The following SHROOM3 variants were observed in gnomAD, a reference collection of about 807,000 sequenced individuals.
SHROOM3 encodes protein Shroom3.
In SHROOM3, 47 loss-of-function variants were observed where a neutral mutation model predicts 138.6. The ratio of observed to expected loss-of-function variants is 0.34; its 90% CI spans 0.27 to 0.43. The LOEUF (loss-of-function observed/expected upper bound fraction) is 0.43, where lower values mean the gene tolerates loss of function less well. SHROOM3 is among the 20% of genes least tolerant of loss of function. The probability of loss-of-function intolerance (pLI) is 1.00; values close to 1 mark genes in which losing one functional copy is unlikely to be tolerated. For missense variants in SHROOM3, 2,491 were observed against 2,596.5 expected, an observed-to-expected ratio of 0.96 and a Z score of 0.88; for synonymous variants, 1,062 against 1,063.3, an observed-to-expected ratio of 1.00 and a Z score of 0.02.
rs1199025790 is a variant in SHROOM3 at position 76,740,604 on chromosome 4, C to T, written c.2431C>T (p.Pro811Ser). The T allele has an allele frequency of 1.2e-6, 2 of 1,614,186 alleles. No individual in the cohort carries two copies. Among genetic ancestry groups the T allele is most frequent in the Non-Finnish European group, 1.7e-6 (2 of 1,180,034 alleles). ...GGSGFGHNYRPHRTVSTSSTS... is the reference protein window; with the variant it reads ...GGSGFGHNYRSHRTVSTSSTS... ...CTCTGGTTTTGGCCATAACTATAGGCCCCACAGGACCGTCTCAACTTCCAG... is the reference window on the plus strand; with the variant it reads ...CTCTGGTTTTGGCCATAACTATAGGTCCCACAGGACCGTCTCAACTTCCAG... The change falls in exon 5 of 11, where the codon CCC (proline) becomes TCC (serine). Residue 811 changes from proline (P) to serine (S), a missense_variant. Physicochemically the swap from Pro to Ser is moderately conservative, Grantham distance 74 (BLOSUM62 -1). Around this residue, in one of 4 missense-constraint regions of SHROOM3, gnomAD observed 1,733 missense variants for 1,661.6 expected, o/e 1.04. Coordinates refer to ENST00000296043, the MANE Select transcript of SHROOM3 (RefSeq NM_020859.4). The surrounding 1 kb of genome is among the most constrained non-coding windows in gnomAD (Gnocchi z 4.0).
chr4:76,506,427 C>T (rs989324539), intron 1 of SHROOM3, among the ~76,000 whole-genome samples: 9 of 152,100 alleles, frequency 5.9e-5, no homozygotes, highest in Non-Finnish European at 1.3e-4. Context: ...GTGTGTGTGT[C>T]ATATGCAAAT....
intron 2 of SHROOM3, among the ~76,000 whole-genome samples, chr4:76,668,228 G>T (rs1246830441): frequency 6.6e-6 from 1 of 151,970 alleles, no homozygotes; most frequent in East Asian, 1.9e-4. Flanking sequence ...ATATTAGTTT[G>T]AAGGTGGCGG....
intron 2 of SHROOM3, among the ~76,000 whole-genome samples, chr4:76,598,305 C>T (rs1046578409): frequency 6.6e-6 from 1 of 152,110 alleles, no homozygotes; most frequent in African/African-American, 2.4e-5. Context: ...GGATTACAGG[C>T]GTGAGCCACC....
chr4:76,707,864 G>C (rs1372952985), intron 2 of SHROOM3, among the ~76,000 whole-genome samples: 1 of 152,010 alleles, frequency 6.6e-6, no homozygotes, highest in Non-Finnish European at 1.5e-5. Context: ...AGGGAGGAAA[G>C]GTGTGCTTGG....
intron 1 of SHROOM3, among the ~76,000 whole-genome samples, chr4:76,553,218 A>C (rs1733401468): frequency 1.3e-5 from 2 of 152,118 alleles, no homozygotes; most frequent in African/African-American, 4.8e-5. Flanking sequence ...AGTGGAGAGC[A>C]GTGATGCAAT....
intron 9 of SHROOM3, among the ~76,000 whole-genome samples, chr4:76,764,229 A>G (rs2110150757): frequency 6.6e-6 from 1 of 152,346 alleles, no homozygotes; most frequent in East Asian, 1.9e-4. Flanking sequence ...AACTTTTGAT[A>G]TACGTAAAAC....
chr4:76,724,268 A>G (rs1720634933), intron 3 of SHROOM3, among the ~76,000 whole-genome samples: 1 of 152,256 alleles, frequency 6.6e-6, no homozygotes, highest in South Asian at 2.1e-4. Context: ...CTTCTGACTT[A>G]CTGATATGCT....
chr4:76,563,889 C>T (rs149483995), intron 2 of SHROOM3, among the ~76,000 whole-genome samples: 50 of 152,244 alleles, frequency 3.3e-4, no homozygotes, highest in African/African-American at 9.9e-4. Flanking sequence ...AAAAAAGGCC[C>T]GATGCTGTGC....
In SHROOM3 at chr4:76,740,738, G is replaced by A; in HGVS notation, c.2565G>A (p.Leu855=). 1 of 1,613,354 alleles carries A rather than the reference G, an allele frequency of 6.2e-7. No individual in the cohort carries two copies. Among genetic ancestry groups the A allele is most frequent in the Non-Finnish European group, 8.5e-7 (1 of 1,180,008 alleles). The change falls in exon 5 of 11, where the codon TTG becomes TTA. Residue 855 remains leucine, a synonymous_variant. Coordinates refer to ENST00000296043, the MANE Select transcript of SHROOM3 (RefSeq NM_020859.4). The surrounding 1 kb of genome is among the most constrained non-coding windows in gnomAD (Gnocchi z 4.0). The part of the protein sequence containing the change: ...EQHFKNGELK[L]EEASRQPCGQ... ...ACTTCAAAAACGGGGAGCTGAAGTT[G>A]GAAGAGGCTTCCCGGCAGCCCTGCG...
At chr4:76,473,649 G>A (rs1014951095) in intron 1 of SHROOM3, among the ~76,000 whole-genome samples, 2 of 152,038 alleles carry the variant, frequency 1.3e-5, no homozygotes, top group Admixed American at 6.6e-5. Context: ...TTTAAAATGG[G>A]CAAGAGGTTT....
intron 2 of SHROOM3, among the ~76,000 whole-genome samples, chr4:76,684,309 T>A (rs1275163669): frequency 1.3e-5 from 2 of 152,072 alleles, no homozygotes; most frequent in East Asian, 3.8e-4. Context: ...CTTGACAGGG[T>A]CCTTTGTGTT....
intron 2 of SHROOM3, among the ~76,000 whole-genome samples, chr4:76,663,755 C>T (rs1718609372): frequency 1.3e-5 from 2 of 152,180 alleles, no homozygotes; most frequent in Admixed American, 1.3e-4. Context: ...CATAAACATC[C>T]AGATGTCCAG....
At chr4:76,758,172 G>C (rs1200544961) in intron 8 of SHROOM3, 2 of 152,180 alleles carry the variant, frequency 1.3e-5, no homozygotes, top group Non-Finnish European at 2.9e-5. Context: ...GATTTATCCA[G>C]GGTCATGTCT....
At chr4:76,611,605 A>G (rs1734763007) in intron 2 of SHROOM3, among the ~76,000 whole-genome samples, 1 of 152,158 alleles carries the variant, frequency 6.6e-6, no homozygotes, top group South Asian at 2.1e-4. Flanking sequence ...ATTTAGGGCA[A>G]ACTCCTTACT....
intron 2 of SHROOM3, among the ~76,000 whole-genome samples, chr4:76,607,758 A>G (rs1050745114): frequency 6.6e-6 from 1 of 152,006 alleles, no homozygotes; most frequent in Non-Finnish European, 1.5e-5. Flanking sequence ...AAAATAAGTC[A>G]CCACGTGGGC....
chr4:76,494,576 G>A (rs1428783372), intron 1 of SHROOM3, among the ~76,000 whole-genome samples: 2 of 152,306 alleles, frequency 1.3e-5, no homozygotes, highest in Non-Finnish European at 1.5e-5. Flanking sequence ...GAGAATGAAC[G>A]GGAATCAGGC....
Position 76,741,808 on chromosome 4 carries a change from G to C in SHROOM3, c.3635G>C (p.Trp1212Ser), listed in dbSNP as rs749497688. 17 of 1,586,500 alleles carry C rather than the reference G, an allele frequency of 1.1e-5. No homozygotes were observed. The East Asian group carries it at 2.5e-4, about 23-fold the overall frequency. Residue 1212 changes from tryptophan to serine, a missense_variant, in exon 5 of 11, where the codon TGG becomes TCG. Around this residue, in one of 4 missense-constraint regions of SHROOM3, gnomAD observed 1,733 missense variants for 1,661.6 expected, o/e 1.04. Transcript: ENST00000296043. This position sits in a 1 kb window ranked among gnomAD's most constrained non-coding sequence, Gnocchi z 6.2. ...GDETPREPSS[W>S]GARAGKSMSA... ...GAGACCCCCAGGGAGCCATCCTCCT[G>C]GGGGGCCAGGGCCGGGAAGTCCATG...
At chr4:76,568,825 G>GT (rs1464077996) in intron 2 of SHROOM3, among the ~76,000 whole-genome samples, 8 of 152,192 alleles carry the variant, frequency 5.3e-5, no homozygotes, top group Admixed American at 1.3e-4. Flanking sequence ...CTGTGCAGCG[G>GT]TTAGGAGCAC....
At chr4:76,550,383 A>G (rs543263787) in intron 1 of SHROOM3, among the ~76,000 whole-genome samples, 1 of 152,310 alleles carries the variant, frequency 6.6e-6, no homozygotes, top group East Asian at 1.9e-4. Context: ...AGAAATACCT[A>G]TGACAAAGGT....
Sources: allele counts gnomAD v4.1 joint callset (sites outside exome capture counted in the v4.1 genomes callset), GRCh38; gene constraint gnomAD v4.1.1; regional missense constraint gnomAD v4.1.1; non-coding constraint Gnocchi (gnomAD v3.1); transcripts MANE v1.5; gene names NCBI Gene and HGNC (gene_info 2026-07-23, HGNC 2026-07-21).